VSTM4: variants seen among roughly 807,000 people sequenced by gnomAD.
The protein encoded by VSTM4 is V-set and transmembrane domain containing 4, also known as V-set and transmembrane domain-containing protein 4.
VSTM4 carries 20 observed loss-of-function variants against 36.4 expected under a neutral mutation model. The ratio of observed to expected loss-of-function variants is 0.55; its 90% CI spans 0.39 to 0.80. The LOEUF (loss-of-function observed/expected upper bound fraction) is 0.80. Among genes scored for constraint, VSTM4 ranks in the 30% least tolerant of loss-of-function variants. The pLI is 0.00. For synonymous variants in VSTM4, 182 were observed against 173.9 expected (o/e 1.05, Z -0.37); for missense variants, 392 against 404.5 (o/e 0.97, Z 0.26).
At position 49,095,594 on chromosome 10, in the gene VSTM4, T is replaced by C. The variant is rs142850886; in HGVS notation, c.458-9571A>G. ...CTTTTGAGCAGGCTGTCGTCTCTAC[T>C]GAAACAGCACAGCCCAGGGCTGTCT... On this transcript the variant is annotated intron_variant, in intron 2 of 7. Coordinates refer to ENST00000332853, the MANE Select transcript of VSTM4 (RefSeq NM_001031746.5). Among the ~76,000 whole-genome samples the C allele has an allele frequency of 2.1e-3, 323 of 152,296 alleles. 2 individuals are homozygous for C. The highest frequency in any genetic ancestry group is 7.2e-3 in the African/African-American group (299 of 41,552).
chr10:49,062,595 T>G (rs1047768304), intron 5 of VSTM4, among the ~76,000 whole-genome samples: 1 of 152,372 alleles, frequency 6.6e-6, no homozygotes, highest in African/African-American at 2.4e-5. Context: ...TTGAGATTAT[T>G]ATGCCTGGCA....
intron 7 of VSTM4, among the ~76,000 whole-genome samples, chr10:49,031,277 G>C (rs985858389): frequency 6.6e-6 from 1 of 152,016 alleles, no homozygotes; most frequent in Admixed American, 6.5e-5. Flanking sequence ...GTGTGACCTC[G>C]GACGAGGTAC....
intron 2 of VSTM4, chr10:49,103,264 T>C (rs546668234): frequency 6.5e-6 from 1 of 153,904 alleles, no homozygotes; most frequent in East Asian, 1.9e-4. Flanking sequence ...ATCATTAACA[T>C]TATGTTTTTG....
At chr10:49,094,576 G>A (rs1012601474) in intron 2 of VSTM4, among the ~76,000 whole-genome samples, 4 of 152,196 alleles carry the variant, frequency 2.6e-5, no homozygotes, top group East Asian at 3.8e-4. Flanking sequence ...GGGGCTGGAA[G>A]AGGATGGTGA....
chr10:49,114,998 T>C (rs1844965337), intron 1 of VSTM4, among the ~76,000 whole-genome samples: 1 of 152,100 alleles, frequency 6.6e-6, no homozygotes, highest in Non-Finnish European at 1.5e-5. Context: ...CGCTCCTGAC[T>C]TGTCTTCGGA....
intron 2 of VSTM4, among the ~76,000 whole-genome samples, chr10:49,094,820 C>T (rs1339512247): frequency 1.3e-5 from 2 of 152,152 alleles, no homozygotes; most frequent in Non-Finnish European, 2.9e-5. Context: ...CAGGGAGACA[C>T]AGAGACCTTC....
rs116354572 is a variant in VSTM4 at position 49,079,642 on chromosome 10, A to T, written c.527-2316T>A. Among the ~76,000 whole-genome samples the T allele has an allele frequency of 1.7e-3, 266 of 152,328 alleles. 1 individual carries two copies. Among genetic ancestry groups the T allele is most frequent in the African/African-American group, 6.1e-3 (255 of 41,558 alleles). On this transcript the variant is annotated intron_variant, in intron 3 of 7. Transcript: ENST00000332853. ...TGCACACACAAAGGCTTTCTCTTCA[A>T]GAAATAGAGGACCACTTAGTAAGTG...
intron 2 of VSTM4, chr10:49,103,567 A>T (rs1844706984): frequency 7.2e-7 from 1 of 1,382,438 alleles, no homozygotes; most frequent in Non-Finnish European, 9.3e-7. Flanking sequence ...ACAGATAATA[A>T]GAGCCAACAC....
At chr10:49,114,481 A>G (rs1328542507) in intron 1 of VSTM4, among the ~76,000 whole-genome samples, 1 of 152,198 alleles carries the variant, frequency 6.6e-6, no homozygotes, top group Non-Finnish European at 1.5e-5. Context: ...TACTGAATTA[A>G]GGCAAGTCCG....
At chr10:49,045,378 T>C (rs1006550997) in intron 7 of VSTM4, among the ~76,000 whole-genome samples, 26 of 152,322 alleles carry the variant, frequency 1.7e-4, no homozygotes, top group African/African-American at 5.8e-4. Context: ...ATTTTCCTTA[T>C]AGAAGAATTC....
Position 49,019,617 on chromosome 10 carries a change from G to A in VSTM4, c.*33C>T, listed in dbSNP as rs1307751145. ...GGCTTCATAAATCACTGGGTGGCAG[G>A]TATTAAATAGAACCTTGGAGGTGGA... is the stretch of plus-strand genomic sequence containing the variant. On this transcript the variant is annotated 3_prime_UTR_variant, in exon 8 of 8. Transcript: ENST00000332853. The A allele has an allele frequency of 6.3e-7, 1 of 1,576,634 alleles. No individual in the cohort carries two copies. The highest frequency in any genetic ancestry group is 2.3e-5 in the East Asian group (1 of 43,994).
At chr10:49,076,461 C>T (rs755353232) in intron 4 of VSTM4, among the ~76,000 whole-genome samples, 5 of 152,106 alleles carry the variant, frequency 3.3e-5, no homozygotes, top group Admixed American at 3.3e-4. Context: ...TTCCAGAGCT[C>T]GGCTCTTACC....
At chr10:49,043,251 G>GA (rs1243976461) in intron 7 of VSTM4, among the ~76,000 whole-genome samples, 15 of 152,024 alleles carry the variant, frequency 9.9e-5, no homozygotes, top group Non-Finnish European at 2.1e-4. Flanking sequence ...AAAAATAATA[G>GA]AAAATATTTA....
intron 7 of VSTM4, among the ~76,000 whole-genome samples, chr10:49,032,224 C>T (rs1221938177): frequency 6.6e-6 from 1 of 152,164 alleles, no homozygotes; most frequent in Non-Finnish European, 1.5e-5. Context: ...TTATTATAGT[C>T]CTCATTCGAC....
chr10:49,077,365 G>A (rs1844198671), intron 3 of VSTM4, 39 bp from the exon 4 acceptor site: 2 of 1,592,746 alleles, frequency 1.3e-6, no homozygotes, highest in African/African-American at 1.3e-5. Flanking sequence ...AGCCTTCTGG[G>A]GGCCGCAGCA....
chr10:49,063,012 T>A (rs767672083), intron 5 of VSTM4, among the ~76,000 whole-genome samples: 8 of 151,440 alleles, frequency 5.3e-5, no homozygotes, highest in Non-Finnish European at 1.0e-4. Flanking sequence ...ATAATTTGAA[T>A]TGATGATTGA....
At chr10:49,047,422 T>C (rs969260930) in intron 6 of VSTM4, among the ~76,000 whole-genome samples, 1 of 152,130 alleles carries the variant, frequency 6.6e-6, no homozygotes, top group Non-Finnish European at 1.5e-5. Flanking sequence ...ACAGCAGCCC[T>C]GTGAGGTCAT....
At chr10:49,103,001 G>C (rs1407870031) in intron 2 of VSTM4, 1 of 153,220 alleles carries the variant, frequency 6.5e-6, no homozygotes, top group African/African-American at 2.4e-5. Context: ...AATCCGTGGG[G>C]AAAAGGCATT....
At chr10:49,054,937 CA>C (rs1302578156) in intron 5 of VSTM4, among the ~76,000 whole-genome samples, 1 of 127,334 alleles carries the variant, frequency 7.9e-6, no homozygotes, top group African/African-American at 3.6e-5. Flanking sequence ...TCCTCTGGCC[CA>C]GGGCGATCTT....
Sources: allele counts gnomAD v4.1 joint callset (sites outside exome capture counted in the v4.1 genomes callset), GRCh38; gene constraint gnomAD v4.1.1; transcripts MANE v1.5; gene names NCBI Gene and HGNC (gene_info 2026-07-23, HGNC 2026-07-21).